Variants in AGTPBP1 observed in about 807,000 individuals in gnomAD.
The protein encoded by AGTPBP1 is ATP/GTP binding carboxypeptidase 1.
AGTPBP1 carries 70 observed loss-of-function variants against 143.9 expected under a neutral mutation model. That is an observed-to-expected ratio of 0.49 (90% CI 0.40 to 0.59). The LOEUF (loss-of-function observed/expected upper bound fraction) is 0.59. Among genes scored for constraint, AGTPBP1 ranks in the 20% least tolerant of loss-of-function variants. The pLI, the probability that AGTPBP1 is intolerant of heterozygous loss-of-function variation, is 0.00. For synonymous variants in AGTPBP1, 463 were observed against 500.2 expected (o/e 0.93, Z 0.99); for missense variants, 1,229 against 1,464.5 (o/e 0.84, Z 2.62).
intron 2 of AGTPBP1, among the ~76,000 whole-genome samples, chr9:85,696,218 T>G (rs962695485): frequency 1.3e-5 from 2 of 152,198 alleles, no homozygotes; most frequent in African/African-American, 4.8e-5. Context: ...ATAGATTTGT[T>G]GCTGATGATA....
chr9:85,574,500 A>C (rs1769438044), intron 25 of AGTPBP1, among the ~76,000 whole-genome samples: 1 of 151,702 alleles, frequency 6.6e-6, no homozygotes, highest in African/African-American at 2.4e-5. Context: ...ACATGAAATT[A>C]TCTCTGAGCC....
the AGTPBP1 span, among the ~76,000 whole-genome samples, chr9:85,759,688 A>G: frequency 3.0e-4 from 46 of 152,240 alleles, no homozygotes; most frequent in Admixed American, 1.2e-3. Flanking sequence ...TAAAATTAAC[A>G]GCCTAACATC....
chr9:85,554,121 C>CA (rs1389556564), intron 25 of AGTPBP1: 1 of 152,282 alleles, frequency 6.6e-6, no homozygotes, highest in Admixed American at 6.5e-5. Context: ...GGATACAAAG[C>CA]AAAATCAGCA....
chr9:85,578,383 G>A (rs1287851003), intron 24 of AGTPBP1, among the ~76,000 whole-genome samples: 4 of 152,190 alleles, frequency 2.6e-5, no homozygotes, highest in Non-Finnish European at 4.4e-5. Flanking sequence ...GGCCAAGGCA[G>A]GAGGACTGCT....
chr9:85,775,100 C>T, the AGTPBP1 span, among the ~76,000 whole-genome samples: 1 of 151,918 alleles, frequency 6.6e-6, no homozygotes, highest in Non-Finnish European at 1.5e-5. Flanking sequence ...CCCAGAAGTT[C>T]GAGACCAGCC....
upstream of AGTPBP1, chr9:85,742,084 C>G (rs1054137734): frequency 4.5e-6 from 5 of 1,105,896 alleles, no homozygotes; most frequent in Non-Finnish European, 5.6e-6. Flanking sequence ...AGCGCACGCC[C>G]TCTTCCCGCC....
Position 85,639,490 on chromosome 9 carries a change from T to G in AGTPBP1, c.1302+3337A>C, listed in dbSNP as rs574930509. 9.7e-3 allele frequency among the ~76,000 whole-genome samples: 1,467 copies of G among 151,360 alleles called. 20 individuals are homozygous for G. Among genetic ancestry groups the G allele is most frequent in the African/African-American group, 0.033 (1,374 of 41,240 alleles). On this transcript the variant is annotated intron_variant, in intron 13 of 25. Coordinates refer to ENST00000357081, the MANE Select transcript of AGTPBP1 (RefSeq NM_001330701.2). Reference sequence around the variant, plus strand: ...TAAAAAAGAATGAAAGCAGCAAAAGTCAAGACACAGCACTTTAAACATTAT... The same window carrying G: ...TAAAAAAGAATGAAAGCAGCAAAAGGCAAGACACAGCACTTTAAACATTAT...
chr9:85,551,026 C>A (rs969280829), intron 25 of AGTPBP1, among the ~76,000 whole-genome samples: 1 of 151,948 alleles, frequency 6.6e-6, no homozygotes, highest in Non-Finnish European at 1.5e-5. Flanking sequence ...TGTGTTCATG[C>A]GAGATCTGGT....
At chr9:85,764,644 AT>A in the AGTPBP1 span, 1 of 620,986 alleles carries the variant, frequency 1.6e-6, no homozygotes. Flanking sequence ...GTTTTTCCTA[AT>A]TTTTATGCAG....
chr9:85,632,734 T>A lies in AGTPBP1; in HGVS notation c.1943A>T (p.Tyr648Phe). 1 of 1,614,130 alleles carries A rather than the reference T, an allele frequency of 6.2e-7. No individual in the cohort carries two copies. Among genetic ancestry groups the A allele is most frequent in the East Asian group, 2.2e-5 (1 of 44,878 alleles). The change falls in exon 14 of 26, where the codon TAT becomes TTT. Residue 648 changes from tyrosine to phenylalanine, a missense_variant. Physicochemically the swap from Tyr to Phe is conservative, Grantham distance 22. Around this residue, in one of 2 missense-constraint regions of AGTPBP1, gnomAD observed 743 missense variants for 812.2 expected, o/e 0.91. Transcript: ENST00000357081. ...CGGAATGTGACCAAAATAATCGGGA[T>A]AAGCCACCTCTGAATATTCTGGGAC... ...KSVPEYSEVA[Y>F]PDYFGHIPPP...
At chr9:85,792,754 T>C in the AGTPBP1 span, among the ~76,000 whole-genome samples, 2 of 135,172 alleles carry the variant, frequency 1.5e-5, no homozygotes, top group Non-Finnish European at 3.0e-5. Context: ...AGTCTTACTT[T>C]ATCAAATAAA....
At chr9:85,650,438 T>C (rs944426291) in intron 11 of AGTPBP1, among the ~76,000 whole-genome samples, 1 of 152,194 alleles carries the variant, frequency 6.6e-6, no homozygotes, top group African/African-American at 2.4e-5. Flanking sequence ...GTAAATATGT[T>C]TTCTCTTCCT....
chr9:85,576,095 C>T (rs1827882747), intron 24 of AGTPBP1, among the ~76,000 whole-genome samples: 5 of 152,104 alleles, frequency 3.3e-5, no homozygotes, highest in Admixed American at 2.6e-4. Flanking sequence ...TTATCTTAAC[C>T]TCCCTATCTT....
the AGTPBP1 span, among the ~76,000 whole-genome samples, chr9:85,802,398 A>G: frequency 6.6e-6 from 1 of 152,046 alleles, no homozygotes; most frequent in Admixed American, 6.6e-5. Context: ...AAAACTGCCT[A>G]CTCAGTGCCT....
At chr9:85,585,642 T>A in intron 22 of AGTPBP1, 48 bp from the exon 23 acceptor site, 1 of 1,469,938 alleles carries the variant, frequency 6.8e-7, no homozygotes, top group South Asian at 1.4e-5. Context: ...GTTCATATGT[T>A]GCTAAGTAAA....
chr9:85,618,294 T>A (rs1830712471), intron 17 of AGTPBP1, among the ~76,000 whole-genome samples: 1 of 151,640 alleles, frequency 6.6e-6, no homozygotes, highest in African/African-American at 2.4e-5. Context: ...AATCTCCAGA[T>A]TCAGATGGTT....
intron 17 of AGTPBP1, among the ~76,000 whole-genome samples, chr9:85,617,935 A>G (rs1031740025): frequency 2.6e-5 from 4 of 152,132 alleles, no homozygotes; most frequent in Non-Finnish European, 5.9e-5. Context: ...TAGCCCTAAA[A>G]CTATTCAAGA....
At chr9:85,749,755 G>T in the AGTPBP1 span, among the ~76,000 whole-genome samples, 3 of 152,100 alleles carry the variant, frequency 2.0e-5, no homozygotes, top group African/African-American at 7.2e-5. Context: ...TAATTAAATA[G>T]ATATAAAAAG....
In AGTPBP1 at chr9:85,592,578, A is replaced by G; in HGVS notation, c.2550T>C (p.Tyr850=). The G allele has an allele frequency of 6.2e-7, 1 of 1,608,492 alleles. No individual in the cohort carries two copies. Among genetic ancestry groups the G allele is most frequent in the Non-Finnish European group, 8.5e-7 (1 of 1,177,472 alleles). ...TTCTTACCTGTAAAGTTGAATACGT[A>G]TATGGATAGTGATAAGCAAAGTAGC... ...DVCYFAYHYP[Y]TYSTLQMHLQ... The change falls in exon 19 of 26, where the codon TAT becomes TAC. Residue 850 remains tyrosine (Y), a synonymous_variant. Coordinates refer to ENST00000357081, the MANE Select transcript of AGTPBP1 (RefSeq NM_001330701.2).
Sources: allele counts gnomAD v4.1 joint callset (sites outside exome capture counted in the v4.1 genomes callset), GRCh38; gene constraint gnomAD v4.1.1; regional missense constraint gnomAD v4.1.1; transcripts MANE v1.5; gene names NCBI Gene and HGNC (gene_info 2026-07-23, HGNC 2026-07-21).